GMCL1: variants seen among roughly 807,000 people sequenced by gnomAD.
The protein encoded by GMCL1 is germ cell-less 1, spermatogenesis associated.
Under a neutral mutation model 75.5 loss-of-function variants are expected in GMCL1, and 54 were observed. The observed-to-expected ratio is 0.71, with a 90% CI of 0.57 to 0.90. GMCL1 has a LOEUF of 0.90. GMCL1 is among the 40% of genes least tolerant of loss of function. The pLI is 0.00. For missense variants in GMCL1, 537 were observed against 622.7 expected (o/e 0.86, Z 1.47); for synonymous variants, 210 against 209.6 (o/e 1.00, Z -0.02).
Position 69,842,629 on chromosome 2 carries a change from C to T in GMCL1, c.580-520C>T, listed in dbSNP as rs568030855. 8 of 152,236 alleles carry T rather than the reference C, an allele frequency of 5.3e-5. No homozygotes were observed. The South Asian group carries it at 1.7e-3, about 32-fold the overall frequency. The allele number at this position is 152,236 out of a possible 1,614,324, so 9.4% of individuals were successfully genotyped here. ...TTAGTTCACTTAAAACCTATATAAACATTTTAGGTTAAAACTTTAATGTTA... is the reference window on the plus strand; with the variant it reads ...TTAGTTCACTTAAAACCTATATAAATATTTTAGGTTAAAACTTTAATGTTA... On this transcript the variant is annotated intron_variant, in intron 4 of 13. Transcript: ENST00000282570.
rs1261627429 is a variant in GMCL1 at position 69,869,755 on chromosome 2, G to A, written c.1255G>A (p.Asp419Asn). 14 of 1,613,722 alleles carry A rather than the reference G, an allele frequency of 8.7e-6. No individual in the cohort carries two copies. Among genetic ancestry groups the A allele is most frequent in the Admixed American group, 1.7e-5 (1 of 59,982 alleles). The change falls in exon 12 of 14, where the codon GAC (aspartate) becomes AAC (asparagine). Residue 419 changes from aspartate to asparagine, a missense_variant. Around this residue, in one of 3 missense-constraint regions of GMCL1, gnomAD observed 345 missense variants for 410.5 expected, o/e 0.84. Coordinates refer to ENST00000282570, the MANE Select transcript of GMCL1 (RefSeq NM_178439.5). ...TTGGACAGGTTTTAACTTCGGCTTC[G>A]ACCTACTTGTAACTTACACCAATCG... ...WRWTGFNFGF[D>N]LLVTYTNRYI...
At chr2:69,871,553 C>G (rs1675980829) in intron 12 of GMCL1, among the ~76,000 whole-genome samples, 192 bp from the exon 13 acceptor site, 1 of 152,132 alleles carries the variant, frequency 6.6e-6, no homozygotes, top group African/African-American at 2.4e-5. Context: ...TAAATGATTT[C>G]TCTTGGCCAG....
At chr2:69,838,248 A>T (rs909214391) in intron 2 of GMCL1, among the ~76,000 whole-genome samples, 3 of 144,648 alleles carry the variant, frequency 2.1e-5, no homozygotes, top group African/African-American at 7.7e-5. Flanking sequence ...GAGGCAGGAG[A>T]ATTGCTTGAA....
chr2:69,873,144 A>G (rs1676030311), intron 13 of GMCL1, among the ~76,000 whole-genome samples: 1 of 152,180 alleles, frequency 6.6e-6, no homozygotes, highest in South Asian at 2.1e-4. Context: ...GCTCAGGGAA[A>G]ACATCCTCTC....
intron 6 of GMCL1, among the ~76,000 whole-genome samples, chr2:69,846,501 G>T (rs1169543853): frequency 6.6e-6 from 1 of 152,154 alleles, no homozygotes; most frequent in African/African-American, 2.4e-5. Flanking sequence ...GAGCATAGAG[G>T]ATTTTGGTAT....
chr2:69,834,198 C>T (rs1280202996), intron 1 of GMCL1, among the ~76,000 whole-genome samples: 3 of 152,118 alleles, frequency 2.0e-5, no homozygotes, highest in African/African-American at 7.2e-5. Flanking sequence ...ATCATGGCTT[C>T]GGGTTTTTCT....
At chr2:69,870,602 C>T (rs557224534) in intron 12 of GMCL1, among the ~76,000 whole-genome samples, 11 of 152,090 alleles carry the variant, frequency 7.2e-5, no homozygotes, top group East Asian at 1.9e-4. Context: ...ATATTTGTAA[C>T]GCTACATTTG....
At chr2:69,861,592 A>G (rs1339877692) in intron 10 of GMCL1, among the ~76,000 whole-genome samples, 2 of 152,218 alleles carry the variant, frequency 1.3e-5, no homozygotes, top group African/African-American at 4.8e-5. Context: ...TGAACATGTA[A>G]TCCATATATA....
Position 69,854,847 on chromosome 2 carries a change from A to T in GMCL1, c.959A>T (p.Glu320Val), listed in dbSNP as rs1207954022. ...GATTTTGAAGGTATGGCCTTTCTTG[A>T]AACTGAACAAGGAAAACCATTTGTG... is the stretch of plus-strand genomic sequence containing the variant. ...RKDFEGMAFL[E>V]TEQGKPFVSV... Residue 320 changes from glutamate to valine, a missense_variant, in exon 9 of 14, where the codon GAA (glutamate) becomes GTA (valine). Transcript: ENST00000282570. The T allele has an allele frequency of 6.2e-7, 1 of 1,610,300 alleles. No individual in the cohort carries two copies. The highest frequency in any genetic ancestry group is 1.3e-5 in the African/African-American group (1 of 74,768).
intron 13 of GMCL1, 143 bp downstream of exon 13, chr2:69,871,975 A>G (rs1675995165): frequency 1.7e-6 from 1 of 582,696 alleles, no homozygotes; most frequent in Non-Finnish European, 3.0e-6. Flanking sequence ...GTAAAGATGA[A>G]AGTACCACAT....
chr2:69,849,737 G>A lies in GMCL1; in HGVS notation c.929G>A (p.Arg310Lys). The change falls in exon 8 of 14, where the codon AGG becomes AAG. Residue 310 changes from arginine to lysine, a missense_variant. Physicochemically the swap from Arg to Lys is conservative, Grantham distance 26. Coordinates refer to ENST00000282570, the MANE Select transcript of GMCL1 (RefSeq NM_178439.5). ...TETDVWFSKQRKDFEGMAFLE... is the reference protein window; with the variant it reads ...TETDVWFSKQKKDFEGMAFLE... ...ACAGATGTCTGGTTTTCTAAACAGA[G>A]GAAAGGTAGGCCTGAAGTTTTTGAG... 6.3e-7 allele frequency: 1 copy of A among 1,574,892 alleles called. No homozygotes were observed. The highest frequency in any genetic ancestry group is 8.6e-7 in the Non-Finnish European group (1 of 1,162,282).
intron 1 of GMCL1, among the ~76,000 whole-genome samples, chr2:69,832,175 G>A (rs1005796304): frequency 6.6e-6 from 1 of 150,634 alleles, no homozygotes; most frequent in Admixed American, 6.6e-5. Flanking sequence ...AGCCAAGATC[G>A]CACAACTGCA....
intron 1 of GMCL1, among the ~76,000 whole-genome samples, chr2:69,831,688 C>G (rs909190876): frequency 7.2e-5 from 11 of 152,102 alleles, no homozygotes; most frequent in Non-Finnish European, 1.6e-4. Flanking sequence ...ACTCACTCTA[C>G]CTCGACCTCA....
chr2:69,878,820 C>CT lies in GMCL1; in HGVS notation c.1453-88dup. The CT allele has an allele frequency of 4.6e-6, 4 of 863,970 alleles. No homozygotes were observed. The South Asian group carries it at 5.6e-5, about 12-fold the overall frequency. The allele number at this position is 863,970 out of a possible 1,614,324, so 53.5% of individuals were successfully genotyped here. On this transcript the variant is annotated intron_variant, in intron 13 of 13. Coordinates refer to ENST00000282570, the MANE Select transcript of GMCL1 (RefSeq NM_178439.5). The stretch of plus-strand genomic sequence containing the variant: ...AGTTGTGGATCTCAGACTCAGGACA[C>CT]TATCTCCTTTGGTTCACTCAGTTCA...
chr2:69,862,642 C>T (rs1187363801), intron 10 of GMCL1, among the ~76,000 whole-genome samples: 1 of 151,930 alleles, frequency 6.6e-6, no homozygotes, highest in Non-Finnish European at 1.5e-5. Flanking sequence ...GCCTGTAATC[C>T]CAGCTACTCA....
chr2:69,848,451 A>C (rs12470908), intron 7 of GMCL1, among the ~76,000 whole-genome samples: 10,918 of 152,320 alleles, frequency 0.072, 1,033 homozygotes, highest in Admixed American at 0.22. Context: ...TTACGCCTGT[A>C]ATCCCAGCAA....
At chr2:69,872,093 A>G (rs940224627) in intron 13 of GMCL1, among the ~76,000 whole-genome samples, 1 of 152,252 alleles carries the variant, frequency 6.6e-6, no homozygotes, top group Non-Finnish European at 1.5e-5. Flanking sequence ...ATAATTGTTT[A>G]TCCTGAATAT....
At chr2:69,831,535 G>C (rs1011940416) in intron 1 of GMCL1, among the ~76,000 whole-genome samples, 3 of 152,232 alleles carry the variant, frequency 2.0e-5, no homozygotes, top group South Asian at 4.1e-4. Flanking sequence ...TGAGATTACA[G>C]GTGTGAGCCA....
At chr2:69,844,896 G>C in intron 6 of GMCL1, 1 of 334,084 alleles carries the variant, frequency 3.0e-6, no homozygotes, top group South Asian at 2.4e-5. Context: ...AGAGAAGTCT[G>C]TGGCCATGTC....
Sources: gnomAD v4.1 joint callset for allele counts (sites outside exome capture counted in the v4.1 genomes callset) on GRCh38, gnomAD v4.1.1 for gene constraint, gnomAD v4.1.1 regional missense constraint, MANE v1.5 for transcripts, NCBI Gene and HGNC (gene_info 2026-07-23, HGNC 2026-07-21) for gene names.